TDRD5: variants seen among roughly 807,000 people sequenced by gnomAD.
TDRD5 encodes tudor domain-containing protein 5.
In TDRD5, 41 loss-of-function variants were observed where a neutral mutation model predicts 120.6. That is an observed-to-expected ratio of 0.34 (90% CI 0.26 to 0.44). TDRD5 has a LOEUF of 0.44. TDRD5 is among the 20% of genes least tolerant of loss of function. The probability of loss-of-function intolerance (pLI) is 1.00; values close to 1 mark genes in which losing one functional copy is unlikely to be tolerated. For missense variants in TDRD5, 1,006 were observed against 1,221.2 expected (o/e 0.82, Z 2.63); for synonymous variants, 430 against 433.7 (o/e 0.99, Z 0.11).
intron 9 of TDRD5, among the ~76,000 whole-genome samples, chr1:179,636,878 A>G (rs752876366): frequency 5.9e-5 from 9 of 152,220 alleles, no homozygotes; most frequent in East Asian, 1.9e-4. Context: ...AAAAATGTCA[A>G]ATACCCAAGT....
intron 6 of TDRD5, among the ~76,000 whole-genome samples, chr1:179,629,980 CTTTTT>C (rs34963950): frequency 7.2e-6 from 1 of 139,404 alleles, no homozygotes; most frequent in Non-Finnish European, 1.6e-5. Flanking sequence ...TTTATTCCAA[CTTTTT>C]TTTTTTTTTT....
intron 17 of TDRD5, among the ~76,000 whole-genome samples, chr1:179,687,628 A>C (rs1487006931): frequency 6.6e-6 from 1 of 152,090 alleles, no homozygotes. Flanking sequence ...GATCTGTCTA[A>C]TGTTGACAGT....
chr1:179,646,830 T>C (rs1678395828), intron 11 of TDRD5, among the ~76,000 whole-genome samples: 1 of 151,986 alleles, frequency 6.6e-6, no homozygotes, highest in Non-Finnish European at 1.5e-5. Context: ...AGCCAAATCA[T>C]GAGTGAACTC....
chr1:179,622,264 G>T (rs547552280), intron 6 of TDRD5, among the ~76,000 whole-genome samples: 22 of 152,230 alleles, frequency 1.4e-4, no homozygotes, highest in Admixed American at 1.4e-3. Flanking sequence ...GCCCATCAAA[G>T]GGTGGCAGAT....
chr1:179,659,239 A>G lies in TDRD5; in HGVS notation c.2323-2865A>G, dbSNP rs184275555. On this transcript the variant is annotated intron_variant, in intron 14 of 17. Coordinates refer to ENST00000444136, the MANE Select transcript of TDRD5 (RefSeq NM_001199085.3). ...CTGTTGTTTGGTGGAGTTTCTATAA[A>G]TGTCAGATCCAATTGATTAGTGGTA... Among the ~76,000 whole-genome samples, 41 of 152,298 alleles carry G rather than the reference A, an allele frequency of 2.7e-4. No homozygotes were observed. In the East Asian group the frequency reaches 7.1e-3, roughly 27 times the overall value.
chr1:179,592,548 A>T (rs4652419), intron 1 of TDRD5, 54 bp from the exon 2 acceptor site: 911,903 of 1,289,958 alleles, frequency 0.71, 322,310 homozygotes, highest in East Asian at 0.84. Flanking sequence ...GTTTTTTTTT[A>T]AATCTTTTTT....
intron 9 of TDRD5, among the ~76,000 whole-genome samples, chr1:179,637,317 C>G (rs1397549265): frequency 2.1e-4 from 32 of 152,180 alleles, no homozygotes; most frequent in Admixed American, 2.1e-3. Context: ...CACTGGCTCT[C>G]TGACCTTGAA....
At chr1:179,598,065 C>T (rs1675500691) in intron 4 of TDRD5, among the ~76,000 whole-genome samples, 1 of 152,086 alleles carries the variant, frequency 6.6e-6, no homozygotes, top group African/African-American at 2.4e-5. Context: ...TGGTATATAG[C>T]CTACTACACA....
chr1:179,622,958 A>T (rs142291643), intron 6 of TDRD5, among the ~76,000 whole-genome samples: 1 of 152,340 alleles, frequency 6.6e-6, no homozygotes, highest in Non-Finnish European at 1.5e-5. Flanking sequence ...GTAAAAATGC[A>T]GAAAACCAAA....
rs149629965 is a variant in TDRD5, at chr1:179,690,706, A to C, written c.2871A>C (p.Ser957=). 5.6e-6 allele frequency: 9 copies of C among 1,613,566 alleles called. No homozygotes were observed. Among genetic ancestry groups the C allele is most frequent in the African/African-American group, 4.0e-5 (3 of 74,842 alleles). ...AEKPSGSVES[S]PEILKNEDFS... ...CTCTTTCTTTTCCAGTGGAAAGCTC[A>C]CCAGAGATCCTAAAGAATGAAGATT... The change falls in exon 18 of 18, where the codon TCA becomes TCC. Residue 957 remains serine, a synonymous_variant. Transcript: ENST00000444136.
chr1:179,634,973 T>C (rs985067729), intron 8 of TDRD5, among the ~76,000 whole-genome samples: 3 of 152,224 alleles, frequency 2.0e-5, no homozygotes, highest in Non-Finnish European at 4.4e-5. Flanking sequence ...AAATTGCCTC[T>C]ACACTCATCC....
At chr1:179,599,588 T>TA (rs1459745092) in intron 4 of TDRD5, among the ~76,000 whole-genome samples, 1 of 152,048 alleles carries the variant, frequency 6.6e-6, no homozygotes, top group Admixed American at 6.6e-5. Context: ...GTGCTGTCCA[T>TA]TTCATCTAGG....
chr1:179,672,410 T>C (rs1250763845), intron 17 of TDRD5, among the ~76,000 whole-genome samples: 1 of 152,218 alleles, frequency 6.6e-6, no homozygotes, highest in Non-Finnish European at 1.5e-5. Flanking sequence ...CATTTGTATA[T>C]CTTCTTTTGG....
chr1:179,603,286 T>C (rs913308458), intron 4 of TDRD5, among the ~76,000 whole-genome samples: 1 of 152,204 alleles, frequency 6.6e-6, no homozygotes, highest in Non-Finnish European at 1.5e-5. Context: ...GAGGAGTCTT[T>C]AGGGTTTTCA....
intron 16 of TDRD5, among the ~76,000 whole-genome samples, chr1:179,664,521 CTCTACAGATTTG>C (rs1055024209): frequency 6.6e-6 from 1 of 152,110 alleles, no homozygotes; most frequent in African/African-American, 2.4e-5. Flanking sequence ...TGCTTTCTGT[CTCTACAGATTTG>C]TCTGTTAAAT....
chr1:179,689,645 C>T (rs1680995739), intron 17 of TDRD5, among the ~76,000 whole-genome samples: 1 of 151,922 alleles, frequency 6.6e-6, no homozygotes, highest in East Asian at 1.9e-4. Flanking sequence ...TGCCCTGCTC[C>T]CAGAGGTGGA....
At chr1:179,662,546 G>A (rs1464792587) in intron 15 of TDRD5, among the ~76,000 whole-genome samples, 1 of 152,044 alleles carries the variant, frequency 6.6e-6, no homozygotes, top group Non-Finnish European at 1.5e-5. Flanking sequence ...AGTGAGCCAA[G>A]ATCATGCCAC....
intron 11 of TDRD5, 132 bp from the exon 12 acceptor site, chr1:179,650,735 G>A: frequency 1.2e-6 from 1 of 833,740 alleles, no homozygotes; most frequent in Middle Eastern, 3.0e-4. Context: ...ATCCTCCTAT[G>A]TGTTATTCTA....
chr1:179,655,487 G>A (rs1232659331), intron 14 of TDRD5, among the ~76,000 whole-genome samples: 1 of 151,644 alleles, frequency 6.6e-6, no homozygotes, highest in Non-Finnish European at 1.5e-5. Flanking sequence ...GACTGTTTTG[G>A]TGTACTATTC....
Sources: gnomAD v4.1 joint callset for allele counts (sites outside exome capture counted in the v4.1 genomes callset) on GRCh38, gnomAD v4.1.1 for gene constraint, MANE v1.5 for transcripts, NCBI Gene and HGNC (gene_info 2026-07-23, HGNC 2026-07-21) for gene names.